PAK5: variants seen among roughly 807,000 people sequenced by gnomAD.
PAK5 encodes p21 (RAC1) activated kinase 5, also known as serine/threonine-protein kinase PAK 5.
In PAK5, 16 loss-of-function variants were observed where a neutral mutation model predicts 65.9. The observed-to-expected ratio is 0.24, with a 90% CI of 0.16 to 0.37. PAK5 has a LOEUF of 0.37. Among genes scored for constraint, PAK5 ranks in the 10% least tolerant of loss-of-function variants. PAK5 has a pLI of 1.00. For synonymous variants in PAK5, 371 were observed against 354.9 expected (o/e 1.05, Z -0.51); for missense variants, 785 against 903.9 (o/e 0.87, Z 1.69).
At position 9,562,898 on chromosome 20, in the gene PAK5, G is replaced by A; in HGVS notation, c.1609C>T (p.His537Tyr). Residue 537 changes from histidine to tyrosine, a missense_variant, in exon 6 of 10, where the codon CAC becomes TAC. Coordinates refer to ENST00000353224, the MANE Select transcript of PAK5 (RefSeq NM_177990.4). ...GATAATAAAGAAGCCTACCTGGTGTGAGTCACAATGTCTGTCAAGGCACCA... is the reference window on the plus strand; with the variant it reads ...GATAATAAAGAAGCCTACCTGGTGTAAGTCACAATGTCTGTCAAGGCACCA... ...EGGALTDIVTHTRMNEEQIAT... is the reference protein window; with the variant it reads ...EGGALTDIVTYTRMNEEQIAT... 1 of 1,613,186 alleles carries A rather than the reference G, an allele frequency of 6.2e-7. No homozygotes were observed. The highest frequency in any genetic ancestry group is 8.5e-7 in the Non-Finnish European group (1 of 1,179,566).
chr20:9,699,471 T>C (rs1259524823), intron 2 of PAK5, among the ~76,000 whole-genome samples: 1 of 151,822 alleles, frequency 6.6e-6, no homozygotes, highest in African/African-American at 2.4e-5. Flanking sequence ...GTATATTTTC[T>C]TCCCCTCAGT....
rs917758070 is a variant in PAK5 at position 9,677,301 on chromosome 20, C to T, written c.-11-32962G>A. ...CATCACATTCAGACCCCGGCTTCTG[C>T]ACTCCAGCCTCGGCATAACGCTCTG... On this transcript the variant is annotated intron_variant, in intron 2 of 9. Transcript: ENST00000353224. 2.4e-4 allele frequency among the ~76,000 whole-genome samples: 37 copies of T among 152,168 alleles called. 1 individual carries two copies. Among genetic ancestry groups the T allele is most frequent in the African/African-American group, 6.8e-4 (28 of 41,446 alleles).
At chr20:9,686,651 C>G (rs187220404) in intron 2 of PAK5, among the ~76,000 whole-genome samples, 19 of 152,296 alleles carry the variant, frequency 1.2e-4, no homozygotes, top group African/African-American at 4.3e-4. Flanking sequence ...ACAGTAAAGG[C>G]TTCCTGTTGC....
intron 2 of PAK5, among the ~76,000 whole-genome samples, chr20:9,697,400 C>G (rs1192207681): frequency 6.6e-6 from 1 of 151,964 alleles, no homozygotes; most frequent in Non-Finnish European, 1.5e-5. Flanking sequence ...TTTTACCTGC[C>G]CCAAATATCT....
intron 2 of PAK5, among the ~76,000 whole-genome samples, chr20:9,651,827 C>T (rs1474393078): frequency 6.6e-6 from 1 of 152,076 alleles, no homozygotes; most frequent in African/African-American, 2.4e-5. Flanking sequence ...TATCCCCCCT[C>T]AAAATCTCAA....
intron 1 of PAK5, among the ~76,000 whole-genome samples, chr20:9,742,750 G>T (rs1017385825): frequency 2.6e-5 from 4 of 152,144 alleles, no homozygotes; most frequent in African/African-American, 9.7e-5. Flanking sequence ...ACCAATATCT[G>T]GGTACAGTCA....
chr20:9,796,650 C>T (rs1020903565), intron 1 of PAK5, among the ~76,000 whole-genome samples: 2 of 152,020 alleles, frequency 1.3e-5, no homozygotes, highest in African/African-American at 4.8e-5. Flanking sequence ...TGAAGAAAGG[C>T]CAGCAAGGAA....
intron 2 of PAK5, among the ~76,000 whole-genome samples, chr20:9,670,793 C>T (rs920485927): frequency 3.3e-5 from 5 of 152,178 alleles, no homozygotes; most frequent in African/African-American, 1.2e-4. Context: ...TCCCATTTGT[C>T]AATTTTGGCT....
intron 1 of PAK5, among the ~76,000 whole-genome samples, chr20:9,715,670 A>T (rs11699992): frequency 6.6e-6 from 1 of 151,502 alleles, no homozygotes; most frequent in Non-Finnish European, 1.5e-5. Context: ...TGATAGACAG[A>T]ATTAAGAAAA....
chr20:9,813,766 G>A (rs918772269), intron 1 of PAK5, among the ~76,000 whole-genome samples: 2 of 152,134 alleles, frequency 1.3e-5, no homozygotes, highest in African/African-American at 2.4e-5. Context: ...AATTTTAATC[G>A]ATGCCGACAA....
intron 1 of PAK5, among the ~76,000 whole-genome samples, chr20:9,713,495 C>T (rs1004658771): frequency 1.1e-4 from 17 of 152,028 alleles, no homozygotes; most frequent in Admixed American, 4.6e-4. Context: ...CCATACAATC[C>T]AGCAATCCCA....
At chr20:9,613,716 A>T (rs2123154804) in intron 3 of PAK5, among the ~76,000 whole-genome samples, 1 of 152,306 alleles carries the variant, frequency 6.6e-6, no homozygotes, top group Middle Eastern at 3.4e-3. Flanking sequence ...GGAGGAAAAT[A>T]AAAACCCAAC....
At chr20:9,800,701 C>T (rs963090023) in intron 1 of PAK5, among the ~76,000 whole-genome samples, 1 of 152,008 alleles carries the variant, frequency 6.6e-6, no homozygotes, top group African/African-American at 2.4e-5. Context: ...GTTACCTCCA[C>T]AATCTACTTT....
chr20:9,604,173 A>G (rs1026458912), intron 3 of PAK5, among the ~76,000 whole-genome samples: 22 of 152,328 alleles, frequency 1.4e-4, no homozygotes, highest in African/African-American at 5.3e-4. Context: ...TTCCTTGTCA[A>G]TGACAAATAT....
intron 3 of PAK5, among the ~76,000 whole-genome samples, chr20:9,594,355 C>T (rs1156701822): frequency 2.6e-5 from 4 of 152,172 alleles, no homozygotes; most frequent in Admixed American, 6.5e-5. Context: ...AGACAACCTG[C>T]AGGTCACATT....
At chr20:9,678,699 C>T (rs1369981754) in intron 2 of PAK5, among the ~76,000 whole-genome samples, 2 of 152,098 alleles carry the variant, frequency 1.3e-5, no homozygotes, top group African/African-American at 4.8e-5. Flanking sequence ...GGGAAGCAAA[C>T]ATGTCCTTCT....
chr20:9,619,366 A>G (rs957141124), intron 3 of PAK5, among the ~76,000 whole-genome samples: 4 of 152,190 alleles, frequency 2.6e-5, no homozygotes, highest in African/African-American at 9.7e-5. Context: ...AAACTGAAAA[A>G]CAATTCTATT....
At chr20:9,582,764 A>G (rs1168772151) in intron 3 of PAK5, among the ~76,000 whole-genome samples, 1 of 152,040 alleles carries the variant, frequency 6.6e-6, no homozygotes, top group Non-Finnish European at 1.5e-5. Context: ...GCTCCCATTT[A>G]CCTACTCATT....
chr20:9,712,026 G>A (rs1043537666), intron 1 of PAK5, among the ~76,000 whole-genome samples: 3 of 152,118 alleles, frequency 2.0e-5, no homozygotes, highest in Non-Finnish European at 2.9e-5. Flanking sequence ...ACAATCAACA[G>A]CACTGTAGCT....
Sources: gnomAD v4.1 joint callset for allele counts (sites outside exome capture counted in the v4.1 genomes callset) on GRCh38, gnomAD v4.1.1 for gene constraint, MANE v1.5 for transcripts, NCBI Gene and HGNC (gene_info 2026-07-23, HGNC 2026-07-21) for gene names.